The following PHACTR3 variants were observed in gnomAD, a reference collection of about 807,000 sequenced individuals.
PHACTR3 encodes phosphatase and actin regulator 3.
Under a neutral mutation model 66.8 loss-of-function variants are expected in PHACTR3, and 16 were observed. The observed-to-expected ratio is 0.24, with a 90% CI of 0.16 to 0.36. The LOEUF (loss-of-function observed/expected upper bound fraction) is 0.36, where lower values mean the gene tolerates loss of function less well. Among genes scored for constraint, PHACTR3 ranks in the 10% least tolerant of loss-of-function variants. PHACTR3 has a pLI of 1.00. For synonymous variants in PHACTR3, 323 were observed against 292.1 expected (o/e 1.11, Z -1.08); for missense variants, 647 against 719.9 (o/e 0.90, Z 1.16).
At chr20:59,785,003 G>A (rs547907041) in intron 7 of PHACTR3, among the ~76,000 whole-genome samples, 26 of 139,996 alleles carry the variant, frequency 1.9e-4, no homozygotes, top group Admixed American at 1.8e-3. Flanking sequence ...AGGGCCCCAG[G>A]ACTTTCCGAG....
rs1038682887 is a variant in PHACTR3 at position 59,820,778 on chromosome 20, C to T, written c.1328+14584C>T. Among the ~76,000 whole-genome samples the T allele has an allele frequency of 2.6e-5, 4 of 152,184 alleles. No homozygotes were observed. Among genetic ancestry groups the T allele is most frequent in the African/African-American group, 9.7e-5 (4 of 41,434 alleles). On this transcript the variant is annotated intron_variant, in intron 8 of 12. Transcript: ENST00000371015. The surrounding 1 kb of genome is among the most constrained non-coding windows in gnomAD (Gnocchi z 4.6). ...TGTTTTGTAAGAAAATGCAAAACAACATCAACCCCCATTCAGTGTCAATAA... is the reference window on the plus strand; with the variant it reads ...TGTTTTGTAAGAAAATGCAAAACAATATCAACCCCCATTCAGTGTCAATAA...
At chr20:59,668,815 C>T (rs534135406) in intron 1 of PHACTR3, among the ~76,000 whole-genome samples, 1 of 152,238 alleles carries the variant, frequency 6.6e-6, no homozygotes, top group East Asian at 1.9e-4. Context: ...GTTCTCCTGC[C>T]TCAGCCTCCC....
intron 1 of PHACTR3, among the ~76,000 whole-genome samples, chr20:59,739,222 C>T (rs1350420876): frequency 6.6e-6 from 1 of 152,092 alleles, no homozygotes. Flanking sequence ...ATTGCTGTAG[C>T]TCCCTTAATG....
In PHACTR3 at chr20:59,736,438, G is replaced by A. The variant is rs1186352077; in HGVS notation, c.119-6669G>A. On this transcript the variant is annotated intron_variant, in intron 1 of 12. Coordinates refer to ENST00000371015, the MANE Select transcript of PHACTR3 (RefSeq NM_080672.5). The surrounding 1 kb of genome is among the most constrained non-coding windows in gnomAD (Gnocchi z 4.6). ...CTTCCCTCTGTGGACAGGTGTGCAT[G>A]GGCCACATGCACCCGCCCACAGATG... Among the ~76,000 whole-genome samples, 1 of 152,098 alleles carries A rather than the reference G, an allele frequency of 6.6e-6. No individual in the cohort carries two copies. Among genetic ancestry groups the A allele is most frequent in the Non-Finnish European group, 1.5e-5 (1 of 68,002 alleles).
chr20:59,686,061 T>C (rs973353045), intron 1 of PHACTR3, among the ~76,000 whole-genome samples: 2 of 152,212 alleles, frequency 1.3e-5, no homozygotes, highest in African/African-American at 4.8e-5. Context: ...ACCCCCCCCA[T>C]ACCTAACTTT....
At chr20:59,742,704 A>G (rs113514873) in intron 1 of PHACTR3, among the ~76,000 whole-genome samples, 36 of 152,324 alleles carry the variant, frequency 2.4e-4, no homozygotes, top group African/African-American at 7.9e-4. Flanking sequence ...GACTCTGGAC[A>G]AAGTCCTATT....
At chr20:59,716,619 G>A (rs559171048) in intron 1 of PHACTR3, among the ~76,000 whole-genome samples, 3 of 152,226 alleles carry the variant, frequency 2.0e-5, no homozygotes, top group South Asian at 2.1e-4. Context: ...TGGTCCCTGG[G>A]CTAAAGGAGA....
At chr20:59,836,360 A>G (rs2058965183) in intron 8 of PHACTR3, 145 bp from the exon 9 acceptor site, 1 of 653,806 alleles carries the variant, frequency 1.5e-6, no homozygotes, top group Non-Finnish European at 2.5e-6. Flanking sequence ...GCAAGAGGCA[A>G]CAACCAAAGG....
intron 1 of PHACTR3, among the ~76,000 whole-genome samples, chr20:59,666,728 G>A (rs1193288487): frequency 2.6e-5 from 4 of 152,044 alleles, no homozygotes; most frequent in African/African-American, 9.7e-5. Context: ...GAGGGAGAGA[G>A]ACCTGATTTC....
intron 4 of PHACTR3, among the ~76,000 whole-genome samples, chr20:59,758,279 A>T (rs1182481): frequency 0.73 from 111,150 of 152,156 alleles, 40,822 homozygotes; most frequent in South Asian, 0.81. Context: ...ATAATGAAAA[A>T]GTTTAAACAT....
intron 8 of PHACTR3, among the ~76,000 whole-genome samples, chr20:59,825,834 T>TA (rs1568860180): frequency 6.6e-6 from 1 of 152,090 alleles, no homozygotes; most frequent in East Asian, 1.9e-4. Context: ...TCACCCCCAG[T>TA]ATGATGGTGG....
intron 1 of PHACTR3, among the ~76,000 whole-genome samples, chr20:59,733,420 AT>A (rs2038839120): frequency 6.6e-6 from 1 of 152,166 alleles, no homozygotes; most frequent in Non-Finnish European, 1.5e-5. Context: ...GTCAAGCCAC[AT>A]CTCTTGCAGC....
chr20:59,716,536 ACCCGGC>A (rs72247377), intron 1 of PHACTR3, among the ~76,000 whole-genome samples: 24,895 of 151,796 alleles, frequency 0.16, 2,268 homozygotes, highest in Admixed American at 0.22. Context: ...GATCCACTGC[ACCCGGC>A]CCTCTTCACT....
chr20:59,801,979 C>T (rs2146985674), intron 7 of PHACTR3, among the ~76,000 whole-genome samples: 1 of 152,296 alleles, frequency 6.6e-6, no homozygotes, highest in African/African-American at 2.4e-5. Flanking sequence ...TGGACAGGTG[C>T]CTTATTGAAC....
rs527404781 is a variant in PHACTR3, at chr20:59,847,081, A to T, written c.1665-34A>T. On this transcript the variant is annotated intron_variant, in intron 12 of 12. Transcript: ENST00000371015. ...CTATTTTAACTGCTAGAAATGAATAACCTTAAATTCTTTGTCTTTTTTATA... is the reference window on the plus strand; with the variant it reads ...CTATTTTAACTGCTAGAAATGAATATCCTTAAATTCTTTGTCTTTTTTATA... 1.1e-4 allele frequency: 157 copies of T among 1,451,090 alleles called. 2 individuals are homozygous for T. In the South Asian group the frequency reaches 1.7e-3, roughly 16 times the overall value. 89.9% of individuals were successfully genotyped at this position (1,451,090 alleles called of 1,614,324 possible). A position where few individuals can be genotyped will look rare whatever the true frequency, so the allele number is the denominator to read the frequency against.
chr20:59,769,041 A>C (rs375596111), intron 5 of PHACTR3, among the ~76,000 whole-genome samples: 30 of 152,286 alleles, frequency 2.0e-4, no homozygotes, highest in African/African-American at 6.7e-4. Flanking sequence ...CACCACCCTG[A>C]GACTTGGCCC....
At chr20:59,690,770 T>A (rs2037081132) in intron 1 of PHACTR3, among the ~76,000 whole-genome samples, 1 of 152,164 alleles carries the variant, frequency 6.6e-6, no homozygotes, top group Non-Finnish European at 1.5e-5. Flanking sequence ...TCCCCTTTCC[T>A]TTCCTGGGAG....
rs141981582 is a variant in PHACTR3, at chr20:59,655,622, C to G, written c.118+50490C>G. Among the ~76,000 whole-genome samples the G allele has an allele frequency of 4.4e-3, 676 of 151,938 alleles. 3 individuals carry two copies. The highest frequency in any genetic ancestry group is 7.6e-3 in the Non-Finnish European group (513 of 67,822). On this transcript the variant is annotated intron_variant, in intron 1 of 12. Coordinates refer to ENST00000371015, the MANE Select transcript of PHACTR3 (RefSeq NM_080672.5). ...CAACTCTTTATTTTATTGATTTTCT[C>G]TGTTGTTTTTCTATTCTCTATTTCA...
At chr20:59,613,494 G>T (rs1200707593) in intron 1 of PHACTR3, among the ~76,000 whole-genome samples, 4 of 152,192 alleles carry the variant, frequency 2.6e-5, no homozygotes, top group African/African-American at 7.2e-5. Context: ...ACATCAAAAG[G>T]CTACTCCCAG....
Sources: allele counts gnomAD v4.1 joint callset (sites outside exome capture counted in the v4.1 genomes callset), GRCh38; gene constraint gnomAD v4.1.1; non-coding constraint Gnocchi (gnomAD v3.1); transcripts MANE v1.5; gene names NCBI Gene and HGNC (gene_info 2026-07-23, HGNC 2026-07-21).